NCR1: variants seen among roughly 807,000 people sequenced by gnomAD.
NCR1 encodes the protein natural cytotoxicity triggering receptor 1, also known as NK cell-activating receptor.
Under a neutral mutation model 32.5 loss-of-function variants are expected in NCR1, and 30 were observed. The ratio of observed to expected loss-of-function variants is 0.92; its 90% CI spans 0.69 to 1.25. The LOEUF (loss-of-function observed/expected upper bound fraction) is 1.25, where lower values mean the gene tolerates loss of function less well. NCR1 is among the 50% of genes most tolerant of loss of function. NCR1 has a pLI of 0.00. For synonymous variants in NCR1, 169 were observed against 143.4 expected (o/e 1.18, Z -1.28); for missense variants, 369 against 380.7 (o/e 0.97, Z 0.26).
chr19:54,906,138 C>T (rs761712486), upstream of NCR1: 9 of 1,613,296 alleles, frequency 5.6e-6, no homozygotes, highest in South Asian at 8.8e-5. Context: ...CTCCCTGGCC[C>T]GCCCGGCTCA....
At chr19:54,922,790 CAAAAA>C in the NCR1 span, among the ~76,000 whole-genome samples, 1 of 51,858 alleles carries the variant, frequency 1.9e-5, no homozygotes, top group Non-Finnish European at 3.6e-5. Context: ...AAAAAAAAAA[CAAAAA>C]AAAAAAACGA....
At chr19:54,909,561 A>G in intron 4 of NCR1, 38 bp downstream of exon 4, 1 of 1,578,952 alleles carries the variant, frequency 6.3e-7, no homozygotes, top group Non-Finnish European at 8.6e-7. Context: ...CTTCGCCGCC[A>G]TGTGCTACCT....
Position 54,906,220 on chromosome 19 carries a change from C to T in NCR1, c.33C>T (p.Val11=), listed in dbSNP as rs747728278. The T allele has an allele frequency of 6.2e-7, 1 of 1,614,172 alleles. No homozygotes were observed. The highest frequency in any genetic ancestry group is 2.2e-5 in the East Asian group (1 of 44,892). ...CCACACTCCCTGCCCTGCTCTGCGTCGGTGAGTTCTGGCGTGGAAGGGGAA... is the reference window on the plus strand; with the variant it reads ...CCACACTCCCTGCCCTGCTCTGCGTTGGTGAGTTCTGGCGTGGAAGGGGAA... MSSTLPALLC[V]GLCLSQRISA... Residue 11 remains valine (V), a splice_region_variant and synonymous_variant, in exon 1 of 7, where the codon GTC becomes GTT. Transcript: ENST00000291890.
chr19:54,913,051 A>AT lies in NCR1; in HGVS notation c.*183dup. On this transcript the variant is annotated 3_prime_UTR_variant, in exon 7 of 7. Transcript: ENST00000291890. ...AGAGGGTGGGAGAACTACATGCTAA[A>AT]TTTCTTTTTTTTTTTTTTTGAGACA... 1 of 499,316 alleles carries AT rather than the reference A, an allele frequency of 2.0e-6. No individual in the cohort carries two copies. Among genetic ancestry groups the AT allele is most frequent in the South Asian group, 3.7e-5 (1 of 26,954 alleles). 30.9% of individuals were successfully genotyped at this position (499,316 alleles called of 1,614,324 possible).
chr19:54,904,531 C>CTTTTCTTTTTTTTTTTTTTTTTTTTTTTT (rs1221694096), upstream of NCR1, among the ~76,000 whole-genome samples: 36 of 118,958 alleles, frequency 3.0e-4, 3 homozygotes, highest in East Asian at 9.9e-4. Flanking sequence ...GTTTTCTTTT[C>CTTTTCTTTTTTTTTTTTTTTTTTTTTTTT]TTTTTTTTTT....
chr19:54,934,517 G>A, the NCR1 span: 21 of 1,614,038 alleles, frequency 1.3e-5, no homozygotes, highest in South Asian at 3.3e-5. This position sits in a 1 kb window ranked among gnomAD's most constrained non-coding sequence, Gnocchi z 6.7. Flanking sequence ...TGTTTTGGGC[G>A]TGTCATGGTC....
At chr19:54,899,795 G>A in the NCR1 span, among the ~76,000 whole-genome samples, 106 of 152,268 alleles carry the variant, frequency 7.0e-4, no homozygotes, top group African/African-American at 2.5e-3. Context: ...AGACACCTCT[G>A]AAACGTGGGT....
chr19:54,934,459 C>G, the NCR1 span: 8 of 1,612,680 alleles, frequency 5.0e-6, no homozygotes, highest in Non-Finnish European at 5.9e-6. This position sits in a 1 kb window ranked among gnomAD's most constrained non-coding sequence, Gnocchi z 6.7. Flanking sequence ...AGAACTAAAC[C>G]AGAGCTGCCC....
chr19:54,937,677 C>G, the NCR1 span, among the ~76,000 whole-genome samples: 1 of 152,072 alleles, frequency 6.6e-6, no homozygotes, highest in Admixed American at 6.6e-5. Flanking sequence ...GCAGGCAAAT[C>G]ACCTGAGGTC....
rs150546894 is a variant in NCR1 at position 54,908,313 on chromosome 19, A to G, written c.356-932A>G. 4.9e-3 allele frequency among the ~76,000 whole-genome samples: 743 copies of G among 152,326 alleles called. 4 individuals are homozygous for G. Among genetic ancestry groups the G allele is most frequent in the African/African-American group, 0.016 (666 of 41,578 alleles). On this transcript the variant is annotated intron_variant, in intron 3 of 6. Coordinates refer to ENST00000291890, the MANE Select transcript of NCR1 (RefSeq NM_004829.7). ...AGAGCACGGGGTTGGGGGTAAGGTCATAGATTAACAGCATCCCAAAGCAGA... is the reference window on the plus strand; with the variant it reads ...AGAGCACGGGGTTGGGGGTAAGGTCGTAGATTAACAGCATCCCAAAGCAGA...
At chr19:54,930,764 G>A in the NCR1 span, 2 of 997,226 alleles carry the variant, frequency 2.0e-6, no homozygotes, top group African/African-American at 1.6e-5. Flanking sequence ...CTTATATACT[G>A]GAATGCAGTG....
In NCR1 at chr19:54,912,805, T is replaced by C; in HGVS notation, c.849T>C (p.Thr283=). The C allele has an allele frequency of 6.2e-7, 1 of 1,613,706 alleles. No individual in the cohort carries two copies. The change falls in exon 7 of 7, where the codon ACT becomes ACC. Residue 283 remains threonine (T), a synonymous_variant. Coordinates refer to ENST00000291890, the MANE Select transcript of NCR1 (RefSeq NM_004829.7). The stretch of plus-strand genomic sequence containing the variant: ...AAGACTGGCTCAGCAGGAAGAGGAC[T>C]AGAGAGCGAGCCAGCAGAGCTTCCA... ...LVEDWLSRKR[T]RERASRASTW... is the part of the protein sequence containing the mutation.
the NCR1 span, among the ~76,000 whole-genome samples, chr19:54,935,029 C>T: frequency 6.6e-6 from 1 of 152,106 alleles, no homozygotes; most frequent in Non-Finnish European, 1.5e-5. Flanking sequence ...CTTCCCAAGA[C>T]ATTATGTCTT....
chr19:54,933,692 G>A, the NCR1 span: 61 of 1,614,048 alleles, frequency 3.8e-5, no homozygotes, highest in Non-Finnish European at 1.1e-5. Flanking sequence ...AACCAAGACA[G>A]CAGCAAGGTC....
downstream of NCR1, among the ~76,000 whole-genome samples, chr19:54,913,397 TCTAA>T (rs1260828222): frequency 1.3e-5 from 2 of 152,230 alleles, no homozygotes; most frequent in Non-Finnish European, 1.5e-5. Flanking sequence ...TCTTCTAGGC[TCTAA>T]CTATTTTTGT....
intron 3 of NCR1, 31 bp downstream of exon 3, chr19:54,906,838 A>T: frequency 6.2e-7 from 1 of 1,609,398 alleles, no homozygotes; most frequent in Middle Eastern, 1.7e-4. Context: ...CTGGAGAGTG[A>T]TCTCAGTCTG....
chr19:54,916,317 CT>C (rs71181711), downstream of NCR1, among the ~76,000 whole-genome samples: 98 of 87,104 alleles, frequency 1.1e-3, 2 homozygotes, highest in Admixed American at 1.9e-3. Flanking sequence ...GAATATTGTG[CT>C]TTTTTTTTTT....
the NCR1 span, among the ~76,000 whole-genome samples, chr19:54,900,731 A>T: frequency 6.6e-6 from 1 of 152,074 alleles, no homozygotes; most frequent in East Asian, 1.9e-4. Flanking sequence ...TTTTGCCACA[A>T]TTTTTGAAAA....
the NCR1 span, among the ~76,000 whole-genome samples, chr19:54,927,959 G>A: frequency 6.6e-6 from 1 of 152,164 alleles, no homozygotes; most frequent in Non-Finnish European, 1.5e-5. Context: ...AGGGCGTGGG[G>A]ACAGACACCT....
Sources: gnomAD v4.1 joint callset for allele counts (sites outside exome capture counted in the v4.1 genomes callset) on GRCh38, gnomAD v4.1.1 for gene constraint, Gnocchi (gnomAD v3.1) non-coding constraint, MANE v1.5 for transcripts, NCBI Gene and HGNC (gene_info 2026-07-23, HGNC 2026-07-21) for gene names.